Variants in CUX2 observed in about 807,000 individuals in gnomAD.
CUX2 encodes the protein homeobox protein cut-like 2.
A neutral mutation model predicts 144.8 loss-of-function variants in CUX2; 40 were observed. The observed-to-expected ratio is 0.28, with a 90% CI of 0.21 to 0.36. The LOEUF is 0.36. Among genes scored for constraint, CUX2 ranks in the 10% least tolerant of loss-of-function variants. CUX2 has a pLI of 1.00. For missense variants in CUX2, 1,615 were observed against 1,994.0 expected (o/e 0.81, Z 3.62); for synonymous variants, 827 against 875.6 (o/e 0.94, Z 0.98).
At chr12:111,305,488 C>T (rs1442300536) in intron 10 of CUX2, among the ~76,000 whole-genome samples, 5 of 152,032 alleles carry the variant, frequency 3.3e-5, no homozygotes, top group South Asian at 4.2e-4. Flanking sequence ...CTGACTGTGC[C>T]TCAGTTTCCT....
At chr12:111,069,156 A>G (rs1047542429) in intron 1 of CUX2, among the ~76,000 whole-genome samples, 1 of 152,164 alleles carries the variant, frequency 6.6e-6, no homozygotes, top group Non-Finnish European at 1.5e-5. Flanking sequence ...GTCTGGGTTC[A>G]AATCTCTGAG....
intron 21 of CUX2, among the ~76,000 whole-genome samples, chr12:111,346,468 T>G (rs1888809922): frequency 7.1e-6 from 1 of 140,734 alleles, no homozygotes; most frequent in Non-Finnish European, 1.5e-5. Context: ...AGAGCGAGAC[T>G]CCATCTCAAA....
intron 3 of CUX2, among the ~76,000 whole-genome samples, chr12:111,241,243 C>T (rs937869398): frequency 2.0e-5 from 3 of 152,090 alleles, no homozygotes; most frequent in Non-Finnish European, 4.4e-5. Flanking sequence ...GGAAATAATC[C>T]ATTCCCAAGA....
chr12:111,343,104 C>T (rs1417705016), intron 21 of CUX2, among the ~76,000 whole-genome samples: 1 of 151,926 alleles, frequency 6.6e-6, no homozygotes, highest in African/African-American at 2.4e-5. Context: ...GGGGTACAGG[C>T]CTGAGGAACC....
At chr12:111,084,095 C>T (rs980760040) in intron 1 of CUX2, among the ~76,000 whole-genome samples, 4 of 152,156 alleles carry the variant, frequency 2.6e-5, no homozygotes, top group African/African-American at 7.2e-5. Flanking sequence ...AGAGGCATCA[C>T]GCTGTGCTTG....
At chr12:111,086,042 A>G (rs899265932) in intron 1 of CUX2, among the ~76,000 whole-genome samples, 6 of 152,248 alleles carry the variant, frequency 3.9e-5, no homozygotes, top group Non-Finnish European at 8.8e-5. Flanking sequence ...GGCCTGATCC[A>G]GGAGCATAAT....
intron 1 of CUX2, among the ~76,000 whole-genome samples, chr12:111,096,735 T>C (rs1352323920): frequency 1.3e-5 from 2 of 152,102 alleles, no homozygotes; most frequent in Admixed American, 1.3e-4. Flanking sequence ...CCCAACACTT[T>C]GGGAGGCCGA....
Position 111,186,198 on chromosome 12 carries a change from C to G in CUX2, c.64-28002C>G, listed in dbSNP as rs546433058. 6.6e-6 allele frequency among the ~76,000 whole-genome samples: 1 copy of G among 152,230 alleles called. No homozygotes were observed. Among genetic ancestry groups the G allele is most frequent in the East Asian group, 1.9e-4 (1 of 5,156 alleles). On this transcript the variant is annotated intron_variant, in intron 1 of 21. Transcript: ENST00000261726. The surrounding 1 kb of genome is among the most constrained non-coding windows in gnomAD (Gnocchi z 4.4). ...ATCCTGCCTTCCCTTCCCTTCTCTCCTTTCCCACATCAGCTATCTAAGGGC... is the reference window on the plus strand; with the variant it reads ...ATCCTGCCTTCCCTTCCCTTCTCTCGTTTCCCACATCAGCTATCTAAGGGC...
At chr12:111,118,001 C>G (rs983210321) in intron 1 of CUX2, among the ~76,000 whole-genome samples, 2 of 152,162 alleles carry the variant, frequency 1.3e-5, no homozygotes, top group Non-Finnish European at 2.9e-5. Flanking sequence ...CCGTATTTCC[C>G]AGGTAAAGGC....
At chr12:111,216,275 C>T (rs1881525499) in intron 2 of CUX2, among the ~76,000 whole-genome samples, 1 of 152,208 alleles carries the variant, frequency 6.6e-6, no homozygotes, top group Non-Finnish European at 1.5e-5. Flanking sequence ...TGCTGTGTGA[C>T]CTTGAGCAGG....
chr12:111,118,778 TA>T (rs1246601852), intron 1 of CUX2, among the ~76,000 whole-genome samples: 1 of 152,122 alleles, frequency 6.6e-6, no homozygotes, highest in Non-Finnish European at 1.5e-5. Context: ...TGAGAGAGCT[TA>T]AAAAAATACA....
At chr12:111,276,096 T>TA (rs1387800159) in intron 4 of CUX2, among the ~76,000 whole-genome samples, 5 of 152,318 alleles carry the variant, frequency 3.3e-5, no homozygotes, top group Middle Eastern at 3.4e-3. Context: ...CTCATGCCTG[T>TA]AATCAAAGCA....
chr12:111,079,999 T>C (rs950697802), intron 1 of CUX2, among the ~76,000 whole-genome samples: 2 of 152,246 alleles, frequency 1.3e-5, no homozygotes, highest in Admixed American at 6.5e-5. Flanking sequence ...CCCACTTGCT[T>C]GCTGTGTGAC....
intron 1 of CUX2, among the ~76,000 whole-genome samples, chr12:111,115,734 C>T (rs974323568): frequency 6.6e-6 from 1 of 152,152 alleles, no homozygotes; most frequent in African/African-American, 2.4e-5. Flanking sequence ...GTTATACCCT[C>T]TGGTGCCCCC....
chr12:111,218,116 GA>G (rs1325662810), intron 3 of CUX2, among the ~76,000 whole-genome samples, 179 bp downstream of exon 3: 2 of 152,272 alleles, frequency 1.3e-5, no homozygotes, highest in East Asian at 3.9e-4. Flanking sequence ...ATAGTAATGA[GA>G]ATTGGTTCTC....
chr12:111,259,725 G>A (rs1884015144), intron 3 of CUX2, among the ~76,000 whole-genome samples: 2 of 149,804 alleles, frequency 1.3e-5, no homozygotes, highest in South Asian at 4.2e-4. Context: ...TTAGCCAGGT[G>A]TGTGGTGCAC....
rs149254596 is a variant in CUX2 at position 111,161,812 on chromosome 12, G to A, written c.64-52388G>A. 2.9e-3 allele frequency among the ~76,000 whole-genome samples: 447 copies of A among 152,302 alleles called. 3 individuals carry two copies. The highest frequency in any genetic ancestry group is 9.8e-3 in the African/African-American group (407 of 41,548). ...TGCAGTGGCACGATCACAGCTCACT[G>A]TAGCCTCAACCTTCCAGGCTCAAGC... On this transcript the variant is annotated intron_variant, in intron 1 of 21. Coordinates refer to ENST00000261726, the MANE Select transcript of CUX2 (RefSeq NM_015267.4).
intron 4 of CUX2, among the ~76,000 whole-genome samples, chr12:111,268,910 C>A (rs1701508225): frequency 6.6e-6 from 1 of 152,214 alleles, no homozygotes; most frequent in South Asian, 2.1e-4. Context: ...AGGCAGCGCT[C>A]TCCCACGGCA....
chr12:111,285,559 G>C (rs1179452906), intron 4 of CUX2, among the ~76,000 whole-genome samples: 1 of 152,102 alleles, frequency 6.6e-6, no homozygotes, highest in Non-Finnish European at 1.5e-5. Context: ...AATTCCTCAG[G>C]GGACTCTGAT....
Sources: allele counts gnomAD v4.1 joint callset (sites outside exome capture counted in the v4.1 genomes callset), GRCh38; gene constraint gnomAD v4.1.1; non-coding constraint Gnocchi (gnomAD v3.1); transcripts MANE v1.5; gene names NCBI Gene and HGNC (gene_info 2026-07-23, HGNC 2026-07-21).